Variants in ACSM1 observed in about 807,000 individuals in gnomAD.
ACSM1 encodes the protein acyl-CoA synthetase medium chain family member 1.
Under a neutral mutation model 75.8 loss-of-function variants are expected in ACSM1, and 79 were observed. The observed-to-expected ratio is 1.04, with a 90% CI of 0.87 to 1.26. The LOEUF is 1.26. ACSM1 is among the 50% of genes most tolerant of loss of function. ACSM1 has a pLI of 0.00. For synonymous variants in ACSM1, 279 were observed against 265.8 expected (o/e 1.05, Z -0.48); for missense variants, 676 against 720.1 (o/e 0.94, Z 0.70).
At chr16:20,684,520 G>A (rs568691951) in intron 3 of ACSM1, among the ~76,000 whole-genome samples, 4 of 152,184 alleles carry the variant, frequency 2.6e-5, no homozygotes, top group South Asian at 2.1e-4. Context: ...CCTGCCTAAC[G>A]TGTCTAATCT....
At chr16:20,650,120 C>T (rs2152235326) in intron 7 of ACSM1, among the ~76,000 whole-genome samples, 1 of 152,186 alleles carries the variant, frequency 6.6e-6, no homozygotes, top group Non-Finnish European at 1.5e-5. Flanking sequence ...GGTTGACAGT[C>T]CTTGATTTAT....
intron 5 of ACSM1, 89 bp downstream of exon 5, chr16:20,671,442 C>G (rs1427050935): frequency 7.0e-6 from 1 of 141,932 alleles, no homozygotes; most frequent in African/African-American, 5.1e-5. Context: ...TTTCCCAAGA[C>G]ACACACACAC....
intron 12 of ACSM1, among the ~76,000 whole-genome samples, chr16:20,624,688 T>C (rs2016804018): frequency 6.6e-6 from 1 of 152,086 alleles, no homozygotes; most frequent in African/African-American, 2.4e-5. Flanking sequence ...ATATAGAAGG[T>C]GATTAATAAA....
intron 7 of ACSM1, among the ~76,000 whole-genome samples, chr16:20,661,504 A>T (rs1003392178): frequency 7.9e-5 from 12 of 152,282 alleles, no homozygotes; most frequent in Admixed American, 5.9e-4. Flanking sequence ...TTTTAATTTC[A>T]ATAATTTATT....
intron 3 of ACSM1, among the ~76,000 whole-genome samples, chr16:20,683,231 T>C (rs1397980273): frequency 6.6e-6 from 1 of 151,938 alleles, no homozygotes; most frequent in East Asian, 1.9e-4. Flanking sequence ...AATTGTCCTG[T>C]CTCAGCCTCT....
intron 4 of ACSM1, among the ~76,000 whole-genome samples, chr16:20,672,497 A>T (rs231931): frequency 0.039 from 4,286 of 110,068 alleles, 76 homozygotes; most frequent in African/African-American, 0.058. Flanking sequence ...TATATATATA[A>T]AAAACATATT....
At chr16:20,623,609 C>G in intron 13 of ACSM1, 37 bp from the exon 14 acceptor site, 1 of 1,581,246 alleles carries the variant, frequency 6.3e-7, no homozygotes, top group African/African-American at 1.3e-5. Flanking sequence ...GTGATTGAGT[C>G]CTGCTGCCAT....
In ACSM1 at chr16:20,648,618, A is replaced by C. The variant is rs2018480554; in HGVS notation, c.993-8034T>G. On this transcript the variant is annotated intron_variant, in intron 7 of 13. Transcript: ENST00000520010. This position sits in a 1 kb window ranked among gnomAD's most constrained non-coding sequence, Gnocchi z 4.2. ...ACCTTAAGATAATTTATTATCTCTGAAGCCTGCACCTGGAAGCTTCATCTG... is the reference window on the plus strand; with the variant it reads ...ACCTTAAGATAATTTATTATCTCTGCAGCCTGCACCTGGAAGCTTCATCTG... 6.6e-6 allele frequency among the ~76,000 whole-genome samples: 1 copy of C among 152,202 alleles called. No homozygotes were observed. Among genetic ancestry groups the C allele is most frequent in the African/African-American group, 2.4e-5 (1 of 41,450 alleles).
intron 7 of ACSM1, among the ~76,000 whole-genome samples, chr16:20,642,110 T>A (rs934327166): frequency 6.6e-6 from 1 of 152,148 alleles, no homozygotes; most frequent in African/African-American, 2.4e-5. Context: ...CAGAGATTTT[T>A]AAAAAGTATA....
chr16:20,623,370 G>A lies in ACSM1; in HGVS notation c.*116C>T. ...AAAACATTGGAATCATGGCACTCCT[G>A]ATACTTTCCCAAATCAACACTCTCA... On this transcript the variant is annotated 3_prime_UTR_variant, in exon 14 of 14. Coordinates refer to ENST00000520010, the MANE Select transcript of ACSM1 (RefSeq NM_001318890.3). 1 of 858,370 alleles carries A rather than the reference G, an allele frequency of 1.2e-6. No homozygotes were observed. The highest frequency in any genetic ancestry group is 1.6e-5 in the South Asian group (1 of 62,288). 53.2% of individuals were successfully genotyped at this position (858,370 alleles called of 1,614,324 possible). A position where few individuals can be genotyped will look rare whatever the true frequency, so the allele number is the denominator to read the frequency against.
chr16:20,642,699 G>A (rs571761025), intron 7 of ACSM1, among the ~76,000 whole-genome samples: 2 of 152,196 alleles, frequency 1.3e-5, no homozygotes, highest in Non-Finnish European at 2.9e-5. Flanking sequence ...TTTAACAACT[G>A]GAACTGGGTC....
intron 7 of ACSM1, among the ~76,000 whole-genome samples, chr16:20,649,918 T>C (rs1480565352): frequency 1.3e-5 from 2 of 152,108 alleles, no homozygotes; most frequent in Non-Finnish European, 2.9e-5. Flanking sequence ...TTTAAACATA[T>C]TTTACAGAGA....
At chr16:20,678,683 G>A (rs544490228) in intron 4 of ACSM1, among the ~76,000 whole-genome samples, 1 of 152,348 alleles carries the variant, frequency 6.6e-6, no homozygotes, top group Non-Finnish European at 1.5e-5. Context: ...GGCTGAAATA[G>A]TTCAGGACTT....
chr16:20,661,849 G>A lies in ACSM1; in HGVS notation c.937C>T (p.His313Tyr), dbSNP rs145195826. ...TATATAGATGATACCCCCCAAAAGTGGTTAATGGGGTATTTCAACAATGTC... is the reference window on the plus strand; with the variant it reads ...TATATAGATGATACCCCCCAAAAGTAGTTAATGGGGTATTTCAACAATGTC... ...IQTLLKYPINHFWGVSSIYRM... is the reference protein window; with the variant it reads ...IQTLLKYPINYFWGVSSIYRM... Residue 313 changes from histidine (H) to tyrosine (Y), a missense_variant, in exon 7 of 14, where the codon CAC (histidine) becomes TAC (tyrosine). Physicochemically the swap from His to Tyr is moderately conservative, Grantham distance 83 (BLOSUM62 2). Transcript: ENST00000520010. 6.2e-7 allele frequency: 1 copy of A among 1,606,464 alleles called. No homozygotes were observed. Among genetic ancestry groups the A allele is most frequent in the Non-Finnish European group, 8.5e-7 (1 of 1,174,402 alleles).
intron 7 of ACSM1, among the ~76,000 whole-genome samples, chr16:20,641,614 T>C (rs1219314866): frequency 6.6e-6 from 1 of 152,250 alleles, no homozygotes; most frequent in Non-Finnish European, 1.5e-5. Context: ...TACCAATAAA[T>C]AGCATGGGCT....
chr16:20,677,165 GA>G (rs2020337068), intron 4 of ACSM1, among the ~76,000 whole-genome samples: 1 of 150,026 alleles, frequency 6.7e-6, no homozygotes, highest in Non-Finnish European at 1.5e-5. Context: ...AAGCCACAAA[GA>G]GAAGGAAAGA....
chr16:20,682,722 G>C (rs2079472772), intron 3 of ACSM1, among the ~76,000 whole-genome samples: 1 of 152,110 alleles, frequency 6.6e-6, no homozygotes, highest in African/African-American at 2.4e-5. Context: ...CTTTTCTACT[G>C]TAAATGGATC....
At chr16:20,624,701 CT>C (rs922582920) in intron 12 of ACSM1, among the ~76,000 whole-genome samples, 7 of 149,796 alleles carry the variant, frequency 4.7e-5, no homozygotes, top group South Asian at 4.3e-4. Flanking sequence ...TTAATAAAGA[CT>C]TTTTTTTTTC....
intron 7 of ACSM1, among the ~76,000 whole-genome samples, chr16:20,649,289 A>T (rs1412079612): frequency 6.6e-6 from 1 of 152,208 alleles, no homozygotes; most frequent in African/African-American, 2.4e-5. Context: ...TTAACCCTTT[A>T]TATCATGACT....
Sources: gnomAD v4.1 joint callset for allele counts (sites outside exome capture counted in the v4.1 genomes callset) on GRCh38, gnomAD v4.1.1 for gene constraint, Gnocchi (gnomAD v3.1) non-coding constraint, MANE v1.5 for transcripts, NCBI Gene and HGNC (gene_info 2026-07-23, HGNC 2026-07-21) for gene names.